ITGBL1: variants seen among roughly 807,000 people sequenced by gnomAD.
ITGBL1 encodes integrin beta-like protein 1.
A neutral mutation model predicts 68.5 loss-of-function variants in ITGBL1; 51 were observed. The observed-to-expected ratio is 0.74, with a 90% confidence interval of 0.59 to 0.94. The LOEUF is 0.94. Ranked by LOEUF, ITGBL1 falls within the 40% of genes least tolerant of loss-of-function variation. The probability of loss-of-function intolerance (pLI) is 0.00; values close to 1 mark genes in which losing one functional copy is unlikely to be tolerated. For missense variants in ITGBL1, 649 were observed against 647.4 expected (o/e 1.00, Z -0.03); for synonymous variants, 209 against 227.3 (o/e 0.92, Z 0.72).
At chr13:101,719,628 T>C (rs1278349338), downstream of ITGBL1, 1 of 152,092 alleles carries the variant, frequency 6.6e-6, no homozygotes, top group Non-Finnish European at 1.5e-5. Flanking sequence ...TTCTGAGCGT[T>C]GTTGAGGGAC....
chr13:101,706,423 G>A (rs2034264936), intron 8 of ITGBL1, among the ~76,000 whole-genome samples: 2 of 152,194 alleles, frequency 1.3e-5, no homozygotes, highest in African/African-American at 4.8e-5. Flanking sequence ...GGCATGGTGT[G>A]TGCAATGAAG....
At chr13:101,477,925 G>T (rs917360559) in intron 2 of ITGBL1, among the ~76,000 whole-genome samples, 1 of 151,810 alleles carries the variant, frequency 6.6e-6, no homozygotes, top group African/African-American at 2.4e-5. Context: ...AAATAATACC[G>T]ATCCTACTTT....
intron 8 of ITGBL1, among the ~76,000 whole-genome samples, chr13:101,705,354 G>A (rs562543417): frequency 1.3e-5 from 2 of 150,066 alleles, no homozygotes; most frequent in East Asian, 3.9e-4. Context: ...CCCTCTCCAG[G>A]AGACTTCTGC....
At position 101,677,034 on chromosome 13, in the gene ITGBL1, G is replaced by A. The variant is rs148971191; in HGVS notation, c.1016-15551G>A. ...AGCTACTTGGGATGCTGAGGCACGA[G>A]AATTGCTTAAACCTGGGAGGTGGAG... On this transcript the variant is annotated intron_variant, in intron 7 of 10. Transcript: ENST00000376180. Among the ~76,000 whole-genome samples the A allele has an allele frequency of 4.3e-4, 65 of 152,216 alleles. 1 individual carries two copies. The East Asian group carries it at 0.012, about 29-fold the overall frequency.
At chr13:101,660,469 T>G (rs956142903) in intron 7 of ITGBL1, among the ~76,000 whole-genome samples, 1 of 152,190 alleles carries the variant, frequency 6.6e-6, no homozygotes, top group Non-Finnish European at 1.5e-5. Context: ...GGTTCTACAA[T>G]AGCAATGATA....
At chr13:101,496,167 A>G (rs1019384886) in intron 2 of ITGBL1, among the ~76,000 whole-genome samples, 1 of 152,138 alleles carries the variant, frequency 6.6e-6, no homozygotes, top group Non-Finnish European at 1.5e-5. Context: ...TTTTGTTGCA[A>G]AACAACAGAT....
At chr13:101,656,087 T>G (rs1387715025) in intron 7 of ITGBL1, among the ~76,000 whole-genome samples, 3 of 152,092 alleles carry the variant, frequency 2.0e-5, no homozygotes, top group Non-Finnish European at 4.4e-5. Flanking sequence ...AAAGGTAAAT[T>G]TAAACGTTTT....
chr13:101,651,859 G>A (rs2032762932), intron 7 of ITGBL1, among the ~76,000 whole-genome samples: 1 of 152,056 alleles, frequency 6.6e-6, no homozygotes, highest in South Asian at 2.1e-4. Context: ...AAGATGTAAG[G>A]AAGGGGTCCA....
intron 9 of ITGBL1, chr13:101,712,534 T>C (rs1037504305): frequency 1.3e-5 from 2 of 152,162 alleles, no homozygotes; most frequent in African/African-American, 2.4e-5. Flanking sequence ...ATATATAAAA[T>C]GATATCCTGG....
At position 101,453,883 on chromosome 13, in the gene ITGBL1, G is replaced by A. The variant is rs2048198613; in HGVS notation, c.99G>A (p.Arg33=). ...AVPQSFSPSL[R]SWPGAACRLS... Reference sequence around the variant, plus strand: ...TGCCGGTTGCTTGTCGCCCGCGCAGGAGCTGGCCGGGCGCCGCCTGCAGGC... The same window carrying A: ...TGCCGGTTGCTTGTCGCCCGCGCAGAAGCTGGCCGGGCGCCGCCTGCAGGC... Residue 33 remains arginine (R), a splice_region_variant and synonymous_variant, in exon 2 of 11, where the codon AGG becomes AGA. Transcript: ENST00000376180. The A allele has an allele frequency of 4.8e-6, 6 of 1,242,710 alleles. No homozygotes were observed. The South Asian group carries it at 1.2e-4, about 24-fold the overall frequency. 77.0% of individuals were successfully genotyped at this position (1,242,710 alleles called of 1,614,324 possible).
At chr13:101,550,795 C>G (rs539013184) in intron 2 of ITGBL1, among the ~76,000 whole-genome samples, 198 of 152,242 alleles carry the variant, frequency 1.3e-3, no homozygotes, top group Non-Finnish European at 2.4e-3. Context: ...GGAAATATTT[C>G]TTTTAATTCC....
intron 7 of ITGBL1, among the ~76,000 whole-genome samples, chr13:101,605,337 T>C (rs370325086): frequency 7.6e-5 from 10 of 131,930 alleles, no homozygotes; most frequent in South Asian, 4.9e-4. Context: ...TATATATATA[T>C]ACACATATCT....
At chr13:101,495,975 T>C (rs1365098770) in intron 2 of ITGBL1, among the ~76,000 whole-genome samples, 1 of 152,186 alleles carries the variant, frequency 6.6e-6, no homozygotes. Flanking sequence ...GAAAGCTTAC[T>C]TGTCTTATAT....
At chr13:101,709,131 C>T (rs981660925) in intron 9 of ITGBL1, among the ~76,000 whole-genome samples, 12 of 150,852 alleles carry the variant, frequency 8.0e-5, no homozygotes, top group Admixed American at 4.0e-4. Context: ...TTTGGGAGGC[C>T]GAGGCGGGTG....
intron 7 of ITGBL1, among the ~76,000 whole-genome samples, chr13:101,602,614 T>A (rs1270777426): frequency 6.6e-6 from 1 of 151,972 alleles, no homozygotes; most frequent in African/African-American, 2.4e-5. Flanking sequence ...AAAATTCACA[T>A]ACCACTCAGT....
intron 4 of ITGBL1, among the ~76,000 whole-genome samples, chr13:101,578,795 G>A (rs558906882): frequency 3.2e-4 from 49 of 152,310 alleles, no homozygotes; most frequent in Admixed American, 2.4e-3. Context: ...ACAGCTTGTG[G>A]GGCACAGTTG....
chr13:101,654,411 C>T (rs1356904935), intron 7 of ITGBL1, among the ~76,000 whole-genome samples: 2 of 152,128 alleles, frequency 1.3e-5, no homozygotes, highest in East Asian at 1.9e-4. Context: ...AACAGGAGTT[C>T]AGGTAGAAGA....
chr13:101,604,887 T>TATATATATATGTATATATATATATAC, intron 7 of ITGBL1, among the ~76,000 whole-genome samples: 2 of 22,164 alleles, frequency 9.0e-5, no homozygotes, highest in African/African-American at 1.5e-4. Context: ...TATATATATA[T>TATATATATATGTATATATATATATAC]ACACACACAC....
intron 7 of ITGBL1, among the ~76,000 whole-genome samples, chr13:101,601,511 C>A (rs1412044159): frequency 6.6e-6 from 1 of 152,208 alleles, no homozygotes; most frequent in East Asian, 1.9e-4. Flanking sequence ...TTCTCTAGTT[C>A]TTTTAATTGT....
Sources: gnomAD v4.1 joint callset for allele counts (sites outside exome capture counted in the v4.1 genomes callset) on GRCh38, gnomAD v4.1.1 for gene constraint, MANE v1.5 for transcripts, NCBI Gene and HGNC (gene_info 2026-07-23, HGNC 2026-07-21) for gene names.